Variants in CENPF observed in about 807,000 individuals in gnomAD.
The protein encoded by CENPF is centromere protein F, also known as AH antigen.
CENPF carries 214 observed loss-of-function variants against 307.3 expected under a neutral mutation model. The ratio of observed to expected loss-of-function variants is 0.70; its 90% CI spans 0.62 to 0.78. CENPF has a LOEUF of 0.78. Among genes scored for constraint, CENPF ranks in the 30% least tolerant of loss-of-function variants. The pLI is 0.00. For synonymous variants in CENPF, 1,259 were observed against 1,270.6 expected (o/e 0.99, Z 0.19); for missense variants, 3,401 against 3,483.9 (o/e 0.98, Z 0.60).
chr1:214,621,442 T>A (rs768963024), intron 6 of CENPF, among the ~76,000 whole-genome samples: 1 of 152,214 alleles, frequency 6.6e-6, no homozygotes, highest in East Asian at 1.9e-4. Flanking sequence ...GGTGGTGTTT[T>A]GGAATCTACT....
At chr1:214,624,946 C>T (rs1657612108) in intron 7 of CENPF, among the ~76,000 whole-genome samples, 1 of 151,736 alleles carries the variant, frequency 6.6e-6, no homozygotes. Flanking sequence ...TTTTGCTTCA[C>T]ATATTTTGCA....
At chr1:214,638,843 C>T (rs1349804143) in intron 11 of CENPF, among the ~76,000 whole-genome samples, 1 of 152,212 alleles carries the variant, frequency 6.6e-6, no homozygotes, top group Non-Finnish European at 1.5e-5. Context: ...CTTCCCAAGA[C>T]AGCTTTTAGT....
rs1417588349 is a variant in CENPF, at chr1:214,646,065, G to A, written c.6495G>A (p.Met2165Ile). 9 of 1,613,940 alleles carry A rather than the reference G, an allele frequency of 5.6e-6. No homozygotes were observed. The highest frequency in any genetic ancestry group is 7.6e-6 in the Non-Finnish European group (9 of 1,180,040). Residue 2165 changes from methionine (M) to isoleucine (I), a missense_variant, in exon 13 of 20, where the codon ATG (methionine) becomes ATA (isoleucine). Coordinates refer to ENST00000366955, the MANE Select transcript of CENPF (RefSeq NM_016343.4). ...AGAACCTTGAAAGGGAATTGCAGATGTCAGAAGAAAACCAGGAGCTAGTGA... is the reference window on the plus strand; with the variant it reads ...AGAACCTTGAAAGGGAATTGCAGATATCAGAAGAAAACCAGGAGCTAGTGA... Reference protein sequence around the residue: ...KVENLERELQMSEENQELVIL... With the variant: ...KVENLERELQISEENQELVIL...
chr1:214,613,988 T>C, intron 2 of CENPF, 72 bp downstream of exon 2: 1 of 1,334,566 alleles, frequency 7.5e-7, no homozygotes, highest in Non-Finnish European at 1.0e-6. Context: ...TTTAAAACTG[T>C]TCACTCATTT....
At chr1:214,638,252 G>A (rs2102555781) in intron 11 of CENPF, among the ~76,000 whole-genome samples, 1 of 152,068 alleles carries the variant, frequency 6.6e-6, no homozygotes, top group South Asian at 2.1e-4. Context: ...AAATCAGAAG[G>A]GTAAATATTT....
chr1:214,656,068 T>C (rs1216163995), intron 17 of CENPF, among the ~76,000 whole-genome samples: 1 of 152,170 alleles, frequency 6.6e-6, no homozygotes, highest in Non-Finnish European at 1.5e-5. Flanking sequence ...AATTTATAAA[T>C]AGCTGATTCT....
chr1:214,634,112 G>A (rs368568312), intron 10 of CENPF, among the ~76,000 whole-genome samples: 12 of 152,320 alleles, frequency 7.9e-5, no homozygotes, highest in African/African-American at 2.6e-4. Context: ...GAGCTGTAGC[G>A]CTGTCCTCAG....
intron 2 of CENPF, 81 bp from the exon 3 acceptor site, chr1:214,614,751 A>G (rs778994680): frequency 1.2e-5 from 11 of 917,450 alleles, no homozygotes; most frequent in Non-Finnish European, 1.8e-5. Flanking sequence ...TTAGTAGTCA[A>G]TGTTAGACTC....
intron 7 of CENPF, among the ~76,000 whole-genome samples, chr1:214,624,458 T>C (rs927434306): frequency 6.6e-6 from 1 of 152,210 alleles, no homozygotes; most frequent in Admixed American, 6.5e-5. Context: ...AAAATAGTTA[T>C]AGAACTATTA....
intron 7 of CENPF, among the ~76,000 whole-genome samples, chr1:214,625,713 A>G (rs1330941032): frequency 3.3e-5 from 5 of 151,386 alleles, no homozygotes; most frequent in African/African-American, 7.3e-5. Context: ...ATTTGTCTAT[A>G]TATTTTTCAG....
At chr1:214,631,403 T>C (rs1333313385) in intron 9 of CENPF, among the ~76,000 whole-genome samples, 4 of 152,268 alleles carry the variant, frequency 2.6e-5, no homozygotes, top group East Asian at 1.9e-4. Context: ...TGTGTATGTG[T>C]GCTGATGTTT....
chr1:214,616,827 CTTCCTTCCTCTTTCTTTCTTTCTTTCT>C (rs1558170762), intron 3 of CENPF, among the ~76,000 whole-genome samples: 12 of 144,386 alleles, frequency 8.3e-5, no homozygotes, highest in African/African-American at 3.1e-4. Context: ...TCCTTCTTTC[CTTCCTTCCTCTTTCTTTCTTTCTTTCT>C]TTCTTTCTTT....
At chr1:214,614,310 C>T (rs372277317) in intron 2 of CENPF, among the ~76,000 whole-genome samples, 1 of 152,212 alleles carries the variant, frequency 6.6e-6, no homozygotes, top group Non-Finnish European at 1.5e-5. Flanking sequence ...AGTATTAGAG[C>T]ATTTTGCAGT....
chr1:214,612,779 G>C (rs1394468431), intron 1 of CENPF, among the ~76,000 whole-genome samples: 6 of 152,134 alleles, frequency 3.9e-5, no homozygotes, highest in Non-Finnish European at 8.8e-5. Context: ...ATTTCAAATG[G>C]ACAAAAAATT....
chr1:214,637,938 G>A lies in CENPF; in HGVS notation c.1519G>A (p.Ala507Thr). 1 of 1,613,670 alleles carries A rather than the reference G, an allele frequency of 6.2e-7. No individual in the cohort carries two copies. Among genetic ancestry groups the A allele is most frequent in the South Asian group, 1.1e-5 (1 of 90,964 alleles). The change falls in exon 11 of 20, where the codon GCA becomes ACA. Residue 507 changes from alanine to threonine, a missense_variant. Physicochemically the swap from Ala to Thr is moderately conservative, Grantham distance 58. Transcript: ENST00000366955. ...GGCCAGAGAAGTCTGCCACCTGGAGGCAGAACTCAAGAACATCAAACAGTG... is the reference window on the plus strand; with the variant it reads ...GGCCAGAGAAGTCTGCCACCTGGAGACAGAACTCAAGAACATCAAACAGTG... ...QKAREVCHLE[A>T]ELKNIKQCLN...
At chr1:214,660,844 G>A (rs944093509) in intron 19 of CENPF, among the ~76,000 whole-genome samples, 1 of 152,206 alleles carries the variant, frequency 6.6e-6, no homozygotes, top group Admixed American at 6.5e-5. Context: ...TGAGTTCTGT[G>A]AGGTTACTGA....
rs1658238324 is a variant in CENPF, at chr1:214,644,806, A to G, written c.5236A>G (p.Ile1746Val). The stretch of plus-strand genomic sequence containing the variant: ...TAAAACCCAGGGCTCTTCAGAATGC[A>G]TTTCTGAATTGTCATTTTCTGGTCC... ...EDKTQGSSECISELSFSGPNA... is the reference protein window; with the variant it reads ...EDKTQGSSECVSELSFSGPNA... The change falls in exon 13 of 20, where the codon ATT becomes GTT. Residue 1746 changes from isoleucine (I) to valine (V), a missense_variant. Transcript: ENST00000366955. 6.2e-7 allele frequency: 1 copy of G among 1,613,966 alleles called. No homozygotes were observed. The highest frequency in any genetic ancestry group is 1.3e-5 in the African/African-American group (1 of 75,026).
At chr1:214,662,068 G>A (rs1658800352) in intron 19 of CENPF, among the ~76,000 whole-genome samples, 1 of 152,188 alleles carries the variant, frequency 6.6e-6, no homozygotes, top group Middle Eastern at 3.4e-3. Context: ...TGAGTCTAGA[G>A]GGGAGAAGCC....
chr1:214,639,862 G>A lies in CENPF; in HGVS notation c.1583-59G>A, dbSNP rs571979717. ...CCAGGGGGCGGGGGGAGGGGTTAGC[G>A]TTTCTGTAGAATAAACATTTATTAC... On this transcript the variant is annotated intron_variant, in intron 11 of 19. Coordinates refer to ENST00000366955, the MANE Select transcript of CENPF (RefSeq NM_016343.4). The A allele has an allele frequency of 9.0e-4, 1,156 of 1,280,476 alleles. 10 individuals are homozygous for A. The highest frequency in any genetic ancestry group is 5.2e-3 in the East Asian group (191 of 36,584). 79.3% of individuals were successfully genotyped at this position (1,280,476 alleles called of 1,614,324 possible). A position where few individuals can be genotyped will look rare whatever the true frequency, so the allele number is the denominator to read the frequency against.
Sources: allele counts gnomAD v4.1 joint callset (sites outside exome capture counted in the v4.1 genomes callset), GRCh38; gene constraint gnomAD v4.1.1; transcripts MANE v1.5; gene names NCBI Gene and HGNC (gene_info 2026-07-23, HGNC 2026-07-21).